SNX5: variants seen among roughly 807,000 people sequenced by gnomAD.
SNX5 encodes the protein sorting nexin 5, also known as sorting nexin-5.
Under a neutral mutation model 53.9 loss-of-function variants are expected in SNX5, and 31 were observed. The observed-to-expected ratio is 0.58, with a 90% CI of 0.43 to 0.78. The LOEUF (loss-of-function observed/expected upper bound fraction) is 0.78. Ranked by LOEUF, SNX5 falls within the 30% of genes least tolerant of loss-of-function variation. The pLI, the probability that SNX5 is intolerant of heterozygous loss-of-function variation, is 0.00. For missense variants in SNX5, 471 were observed against 478.8 expected (o/e 0.98, Z 0.15); for synonymous variants, 168 against 171.1 (o/e 0.98, Z 0.14).
intron 1 of SNX5, among the ~76,000 whole-genome samples, chr20:17,959,533 G>C (rs974553521): frequency 6.6e-6 from 1 of 152,130 alleles, no homozygotes; most frequent in Non-Finnish European, 1.5e-5. Flanking sequence ...CCAATCACTT[G>C]ACATGACAGT....
Position 17,953,880 on chromosome 20 carries a change from CTAAT to C in SNX5, c.389+112_389+115del. On this transcript the variant is annotated intron_variant, in intron 4 of 12. Transcript: ENST00000377759. ...AGTTTTAGAAAACGACGCTAGGGAC[CTAAT>C]TAAACAGCTGCACTTAAAACAAAAT... 4.8e-6 allele frequency: 4 copies of C among 826,292 alleles called. No homozygotes were observed. The South Asian group carries it at 6.6e-5, about 14-fold the overall frequency. The allele number at this position is 826,292 out of a possible 1,614,324, so 51.2% of individuals were successfully genotyped here.
intron 1 of SNX5, chr20:17,962,646 A>T (rs1355504741): frequency 5.9e-6 from 3 of 506,542 alleles, no homozygotes; most frequent in African/African-American, 5.9e-5. Context: ...GTCTACTAAC[A>T]TAGCTAATAG....
Position 17,949,125 on chromosome 20 carries a change from T to A in SNX5, c.792-22A>T, listed in dbSNP as rs143868338. 21 of 1,609,296 alleles carry A rather than the reference T, an allele frequency of 1.3e-5. No homozygotes were observed. The East Asian group carries it at 4.5e-4, about 34-fold the overall frequency. ...GTACCTGGAAATGTACATATAATTT[T>A]GGTTTAAGGTCTTAAATCATCTATA... is the stretch of plus-strand genomic sequence containing the variant. On this transcript the variant is annotated intron_variant, in intron 8 of 12. Coordinates refer to ENST00000377759, the MANE Select transcript of SNX5 (RefSeq NM_014426.4).
intron 4 of SNX5, 110 bp from the exon 5 acceptor site, chr20:17,952,820 A>C: frequency 8.0e-7 from 1 of 1,244,854 alleles, no homozygotes; most frequent in Non-Finnish European, 1.1e-6. Flanking sequence ...AAAACACTGC[A>C]ACTGGACCAA....
chr20:17,948,750 A>C (rs2039522006), intron 10 of SNX5, 140 bp downstream of exon 10: 1 of 674,914 alleles, frequency 1.5e-6, no homozygotes, highest in South Asian at 1.9e-5. Context: ...CACAAGCTTT[A>C]TGGATACAAT....
chr20:17,967,227 A>G (rs1047692046), intron 1 of SNX5, among the ~76,000 whole-genome samples: 1 of 152,202 alleles, frequency 6.6e-6, no homozygotes, highest in Non-Finnish European at 1.5e-5. Context: ...GAAAAAATAA[A>G]ATGCTACCAA....
chr20:17,956,740 C>T (rs1025166838), intron 2 of SNX5, among the ~76,000 whole-genome samples, 193 bp downstream of exon 2: 2 of 148,436 alleles, frequency 1.3e-5, no homozygotes, highest in Admixed American at 6.8e-5. Context: ...GGCTCTGCCA[C>T]AGCAGAATGC....
Position 17,961,960 on chromosome 20 carries a change from T to C in SNX5, c.52-4923A>G, listed in dbSNP as rs16978643. ...GTTCTGTCACACTCTAGATTTGTAT[T>C]AATGTCCACAAATATTAAAGATTCA... On this transcript the variant is annotated intron_variant, in intron 1 of 12. Coordinates refer to ENST00000377759, the MANE Select transcript of SNX5 (RefSeq NM_014426.4). 2,716 of 978,734 alleles carry C rather than the reference T, an allele frequency of 2.8e-3. 62 individuals carry two copies. The African/African-American group carries it at 0.045, about 16-fold the overall frequency. The allele number at this position is 978,734 out of a possible 1,614,324, so 60.6% of individuals were successfully genotyped here. A position where few individuals can be genotyped will look rare whatever the true frequency, so the allele number is the denominator to read the frequency against.
Position 17,968,697 on chromosome 20 carries a change from T to C in SNX5, c.-272A>G. 1.9e-6 allele frequency: 1 copy of C among 538,488 alleles called. No individual in the cohort carries two copies. Among genetic ancestry groups the C allele is most frequent in the Non-Finnish European group, 3.4e-6 (1 of 295,070 alleles). 33.4% of individuals were successfully genotyped at this position (538,488 alleles called of 1,614,324 possible). On this transcript the variant is annotated 5_prime_UTR_variant, in exon 1 of 13. Coordinates refer to ENST00000377759, the MANE Select transcript of SNX5 (RefSeq NM_014426.4). The stretch of plus-strand genomic sequence containing the variant: ...CCGGGCAAAGACGCCACGTGGGGCC[T>C]ACCCTTGCTCCGCTCCACGAGGAGG...
chr20:17,966,098 A>G (rs939121770), intron 1 of SNX5, among the ~76,000 whole-genome samples: 1 of 152,146 alleles, frequency 6.6e-6, no homozygotes, highest in African/African-American at 2.4e-5. Flanking sequence ...CCTGTAACCA[A>G]GCAGTAAGTT....
intron 1 of SNX5, among the ~76,000 whole-genome samples, chr20:17,967,213 GAAAGA>G (rs2035555751): frequency 6.6e-6 from 1 of 151,802 alleles, no homozygotes; most frequent in African/African-American, 2.4e-5. Context: ...GTACCAGAAA[GAAAGA>G]AAAAATAAAA....
intron 8 of SNX5, among the ~76,000 whole-genome samples, chr20:17,949,421 C>T (rs2039533227): frequency 6.6e-6 from 1 of 152,178 alleles, no homozygotes; most frequent in South Asian, 2.1e-4. Flanking sequence ...ATGGGCATCA[C>T]AAAGCAGTAA....
intron 1 of SNX5, among the ~76,000 whole-genome samples, chr20:17,964,455 C>T (rs745992070): frequency 6.6e-6 from 1 of 152,200 alleles, no homozygotes; most frequent in South Asian, 2.1e-4. Context: ...CTGCAACTTA[C>T]TCCTCCTGGG....
intron 5 of SNX5, among the ~76,000 whole-genome samples, chr20:17,951,834 T>C (rs1454365962): frequency 6.6e-6 from 1 of 152,232 alleles, no homozygotes; most frequent in Non-Finnish European, 1.5e-5. Context: ...AAGCTAAGTC[T>C]TAGTGGCTCT....
chr20:17,947,992 A>T (rs2122354764), intron 10 of SNX5, among the ~76,000 whole-genome samples: 1 of 152,368 alleles, frequency 6.6e-6, no homozygotes, highest in Non-Finnish European at 1.5e-5. Context: ...AGTCAAGTTG[A>T]GCGCTGCTAA....
At chr20:17,968,169 A>C in intron 1 of SNX5, 1 of 408,582 alleles carries the variant, frequency 2.4e-6, no homozygotes. Flanking sequence ...GTTCTGTCCT[A>C]ATAGAATCCG....
chr20:17,950,045 T>A, intron 8 of SNX5, 87 bp downstream of exon 8: 1 of 1,107,068 alleles, frequency 9.0e-7, no homozygotes, highest in Non-Finnish European at 1.4e-6. Flanking sequence ...AGCAGGACCA[T>A]GTAGTCACTA....
chr20:17,949,687 C>T (rs191973656), intron 8 of SNX5, among the ~76,000 whole-genome samples: 2 of 152,254 alleles, frequency 1.3e-5, no homozygotes, highest in East Asian at 3.9e-4. Flanking sequence ...AAATTATTCT[C>T]ATGACCACTA....
intron 3 of SNX5, among the ~76,000 whole-genome samples, chr20:17,954,729 GAGAA>G (rs1288367940): frequency 6.6e-6 from 1 of 152,020 alleles, no homozygotes; most frequent in African/African-American, 2.4e-5. Context: ...TTGTTTTTGG[GAGAA>G]AGAGTCTCGC....
Sources: gnomAD v4.1 joint callset for allele counts (sites outside exome capture counted in the v4.1 genomes callset) on GRCh38, gnomAD v4.1.1 for gene constraint, MANE v1.5 for transcripts, NCBI Gene and HGNC (gene_info 2026-07-23, HGNC 2026-07-21) for gene names.